The following FIBCD1 variants were observed in gnomAD, a reference collection of about 807,000 sequenced individuals.
The protein encoded by FIBCD1 is fibrinogen C domain containing 1, also known as fibrinogen C domain-containing protein 1.
In FIBCD1, 47 loss-of-function variants were observed where a neutral mutation model predicts 45.1. The ratio of observed to expected loss-of-function variants is 1.04; its 90% confidence interval spans 0.82 to 1.33. The LOEUF (loss-of-function observed/expected upper bound fraction) is 1.33, where lower values mean the gene tolerates loss of function less well. Ranked by LOEUF, FIBCD1 falls within the 40% of genes most tolerant of loss-of-function variation. The pLI is 0.00. For missense variants in FIBCD1, 653 were observed against 682.2 expected, an observed-to-expected ratio of 0.96 and a Z score of 0.48; for synonymous variants, 313 against 308.1, an observed-to-expected ratio of 1.02 and a Z score of -0.17.
Position 130,922,838 on chromosome 9 carries a change from G to C in FIBCD1, c.849+906C>G, listed in dbSNP as rs1440741790. ...GCTCCTCAGATGTTCCCTGGTAGCC[G>C]CGTTAGGTTGCCCCCTCCTCCTGGA... is the stretch of plus-strand genomic sequence containing the variant. On this transcript the variant is annotated intron_variant, in intron 4 of 6. Coordinates refer to ENST00000372338, the MANE Select transcript of FIBCD1 (RefSeq NM_032843.5). The surrounding 1 kb of genome is among the most constrained non-coding windows in gnomAD (Gnocchi z 4.5). 6.6e-6 allele frequency among the ~76,000 whole-genome samples: 1 copy of C among 152,042 alleles called. No individual in the cohort carries two copies. Among genetic ancestry groups the C allele is most frequent in the Non-Finnish European group, 1.5e-5 (1 of 68,008 alleles).
Position 130,903,384 on chromosome 9 carries a change from C to CA in FIBCD1, c.*679dup, listed in dbSNP as rs1399965182. ...CAGCAGGTAAGAGGACTGCAGACCCCAGGCCTGCCGGGGCACAGGGTGGGT... is the reference window on the plus strand; with the variant it reads ...CAGCAGGTAAGAGGACTGCAGACCCCAAGGCCTGCCGGGGCACAGGGTGGGT... On this transcript the variant is annotated 3_prime_UTR_variant, in exon 7 of 7. Coordinates refer to ENST00000372338, the MANE Select transcript of FIBCD1 (RefSeq NM_032843.5). 1 of 157,316 alleles carries CA rather than the reference C, an allele frequency of 6.4e-6. No individual in the cohort carries two copies. The highest frequency in any genetic ancestry group is 1.4e-5 in the Non-Finnish European group (1 of 71,294). 9.7% of individuals were successfully genotyped at this position (157,316 alleles called of 1,614,324 possible).
intron 5 of FIBCD1, among the ~76,000 whole-genome samples, chr9:130,908,670 A>G (rs1213288656): frequency 1.3e-5 from 2 of 152,188 alleles, no homozygotes; most frequent in Non-Finnish European, 2.9e-5. Flanking sequence ...AGGGCCCCCA[A>G]CTAGGTGGGT....
At chr9:130,938,231 G>T (rs1253899856) in intron 1 of FIBCD1, 7 of 317,048 alleles carry the variant, frequency 2.2e-5, no homozygotes, top group African/African-American at 1.5e-4. Context: ...GACACACAGC[G>T]AACTGTAAGT....
chr9:130,928,767 T>C (rs1054945958), intron 2 of FIBCD1, among the ~76,000 whole-genome samples: 5 of 151,972 alleles, frequency 3.3e-5, no homozygotes, highest in Non-Finnish European at 4.4e-5. Context: ...CGGGCAGGGC[T>C]CCAGCAGGGG....
chr9:130,910,142 G>C (rs901461921), intron 5 of FIBCD1, among the ~76,000 whole-genome samples: 4 of 152,358 alleles, frequency 2.6e-5, no homozygotes, highest in Non-Finnish European at 4.4e-5. Flanking sequence ...AGCGGGAACC[G>C]GGGCTGCGTG....
At chr9:130,905,039 T>A (rs1831900970) in intron 6 of FIBCD1, among the ~76,000 whole-genome samples, 195 bp downstream of exon 6, 1 of 152,204 alleles carries the variant, frequency 6.6e-6, no homozygotes, top group Non-Finnish European at 1.5e-5. Context: ...TAAAAAAAAT[T>A]TAGATTGGTT....
Position 130,929,967 on chromosome 9 carries a change from A to C in FIBCD1, c.152T>G (p.Val51Gly), listed in dbSNP as rs1236374892. Residue 51 changes from valine to glycine, a missense_variant, in exon 2 of 7, where the codon GTG becomes GGG. Val to Gly is a moderately radical substitution (Grantham distance 109). Transcript: ENST00000372338. ...VLLAVAVTGA[V>G]LFLNHAHAPG... is the part of the protein sequence containing the mutation. ...CGCGTGGGCGTGGTTCAGGAAGAGC[A>C]CGGCACCGGTGACAGCTACAGCCAG... 190 of 1,548,744 alleles carry C rather than the reference A, an allele frequency of 1.2e-4. No individual in the cohort carries two copies. Among genetic ancestry groups the C allele is most frequent in the Non-Finnish European group, 1.6e-4 (189 of 1,146,112 alleles).
At position 130,938,872 on chromosome 9, in the gene FIBCD1, G is replaced by C. The variant is rs529592234; in HGVS notation, c.-265C>G. The stretch of plus-strand genomic sequence containing the variant: ...GCGCGCCGTCCCCGCTCCCGGCTCC[G>C]GCGCCTCCCCGGCGCGCTCCTCTCT... On this transcript the variant is annotated 5_prime_UTR_variant, in exon 1 of 7. Coordinates refer to ENST00000372338, the MANE Select transcript of FIBCD1 (RefSeq NM_032843.5). 1,378 of 153,796 alleles carry C rather than the reference G, an allele frequency of 9.0e-3. 11 individuals carry two copies. The highest frequency in any genetic ancestry group is 0.015 in the Admixed American group (234 of 15,342). The allele number at this position is 153,796 out of a possible 1,614,324, so 9.5% of individuals were successfully genotyped here.
intron 1 of FIBCD1, among the ~76,000 whole-genome samples, chr9:130,930,353 T>C (rs1237601279): frequency 1.5e-5 from 2 of 133,284 alleles, no homozygotes; most frequent in South Asian, 2.3e-4. Context: ...CGCAGGGAGA[T>C]GCAGGGAGAC....
At position 130,926,277 on chromosome 9, in the gene FIBCD1, T is replaced by C. The variant is rs185655973; in HGVS notation, c.553-1881A>G. Among the ~76,000 whole-genome samples, 14 of 152,330 alleles carry C rather than the reference T, an allele frequency of 9.2e-5. No homozygotes were observed. Among genetic ancestry groups the C allele is most frequent in the Non-Finnish European group, 8.8e-5 (6 of 68,032 alleles). On this transcript the variant is annotated intron_variant, in intron 2 of 6. Transcript: ENST00000372338. This position sits in a 1 kb window ranked among gnomAD's most constrained non-coding sequence, Gnocchi z 4.1. ...AACTCAGGCACGGCCTCCTCCCTCT[T>C]GCTAACGGGCAGGGAAGACCTCTGT...
chr9:130,928,925 T>C (rs1832399997), intron 2 of FIBCD1, among the ~76,000 whole-genome samples: 1 of 152,104 alleles, frequency 6.6e-6, no homozygotes, highest in African/African-American at 2.4e-5. Context: ...TTGTGGGTGG[T>C]GCTTCCAGCA....
rs117389221 is a variant in FIBCD1 at position 130,923,534 on chromosome 9, T to C, written c.849+210A>G. 9.9e-3 allele frequency among the ~76,000 whole-genome samples: 1,510 copies of C among 151,976 alleles called. 8 individuals carry two copies. The highest frequency in any genetic ancestry group is 0.015 in the Non-Finnish European group (1,018 of 67,934). ...CTCCTGCCTAATGTCCGCTCCAGAGTGGGTACCCCAGGGTCAGCTCACAGA... is the reference window on the plus strand; with the variant it reads ...CTCCTGCCTAATGTCCGCTCCAGAGCGGGTACCCCAGGGTCAGCTCACAGA... On this transcript the variant is annotated intron_variant, in intron 4 of 6. Transcript: ENST00000372338.
chr9:130,910,234 G>A (rs1445785488), intron 5 of FIBCD1, among the ~76,000 whole-genome samples: 1 of 124,618 alleles, frequency 8.0e-6, no homozygotes, highest in Non-Finnish European at 1.6e-5. Flanking sequence ...CAGCCCCGCT[G>A]GCCCCGGGGC....
rs77876484 is a variant in FIBCD1, at chr9:130,933,423, C to T, written c.73-3377G>A. On this transcript the variant is annotated intron_variant, in intron 1 of 6. Transcript: ENST00000372338. ...CCCCAGCTCCCAAGACAGGGCATCT[C>T]GGGCAAGTGAGCAGGAGAGAGACCG... 7.1e-3 allele frequency among the ~76,000 whole-genome samples: 1,075 copies of T among 152,214 alleles called. 11 individuals are homozygous for T. Among genetic ancestry groups the T allele is most frequent in the African/African-American group, 0.023 (952 of 41,530 alleles).
At chr9:130,924,021 C>T in intron 3 of FIBCD1, 141 bp from the exon 4 acceptor site, 1 of 1,381,136 alleles carries the variant, frequency 7.2e-7, no homozygotes, top group Admixed American at 2.1e-5. Context: ...CCGACCTTGG[C>T]TCTGCCACTC....
chr9:130,915,777 G>A (rs994673107), intron 4 of FIBCD1, among the ~76,000 whole-genome samples: 2 of 152,192 alleles, frequency 1.3e-5, no homozygotes, highest in African/African-American at 4.8e-5. Context: ...GACGGATTGC[G>A]GACCTGCTCT....
In FIBCD1 at chr9:130,922,707, C is replaced by G. The variant is rs539724177; in HGVS notation, c.849+1037G>C. 1.3e-5 allele frequency among the ~76,000 whole-genome samples: 2 copies of G among 152,268 alleles called. No homozygotes were observed. The highest frequency in any genetic ancestry group is 1.5e-5 in the Non-Finnish European group (1 of 68,024). ...AGCACAGTCCCCATCCCGTCTTCCT[C>G]TCTTCAACACCCCCAGTAGCTCCCG... On this transcript the variant is annotated intron_variant, in intron 4 of 6. Transcript: ENST00000372338. The surrounding 1 kb of genome is among the most constrained non-coding windows in gnomAD (Gnocchi z 4.5).
At chr9:130,923,301 GT>G (rs1832293076) in intron 4 of FIBCD1, among the ~76,000 whole-genome samples, 1 of 152,186 alleles carries the variant, frequency 6.6e-6, no homozygotes, top group Non-Finnish European at 1.5e-5. Context: ...GCTGTGGGGG[GT>G]CTCTGCTCCT....
chr9:130,904,153 C>T lies in FIBCD1; in HGVS notation c.1297G>A (p.Asp433Asn), dbSNP rs147030133. The T allele has an allele frequency of 6.5e-5, 105 of 1,613,580 alleles. 1 individual carries two copies. In the African/African-American group the frequency reaches 8.8e-4, roughly 14 times the overall value. Reference sequence around the variant, plus strand: ...GTCCAGGAGGACCACTCCACGCCGTCGGCATAGGAGGCGTGCGCACCGCGC... The same window carrying T: ...GTCCAGGAGGACCACTCCACGCCGTTGGCATAGGAGGCGTGCGCACCGCGC... The part of the protein sequence containing the change: ...YLRGAHASYA[D>N]GVEWSSWTGW... The change falls in exon 7 of 7, where the codon GAC (aspartate) becomes AAC (asparagine). Residue 433 changes from aspartate (D) to asparagine (N), a missense_variant. By Grantham distance (23) the Asp-to-Asn change is conservative. Coordinates refer to ENST00000372338, the MANE Select transcript of FIBCD1 (RefSeq NM_032843.5).
Sources: gnomAD v4.1 joint callset for allele counts (sites outside exome capture counted in the v4.1 genomes callset) on GRCh38, gnomAD v4.1.1 for gene constraint, Gnocchi (gnomAD v3.1) non-coding constraint, MANE v1.5 for transcripts, NCBI Gene and HGNC (gene_info 2026-07-23, HGNC 2026-07-21) for gene names.